Variants in DMXL1 observed in about 807,000 individuals in gnomAD.
The protein encoded by DMXL1 is dmX-like protein 1.
In DMXL1, 99 loss-of-function variants were observed where a neutral mutation model predicts 319.2. The ratio of observed to expected loss-of-function variants is 0.31; its 90% confidence interval spans 0.26 to 0.37. The LOEUF is 0.37. Ranked by LOEUF, DMXL1 falls within the 10% of genes least tolerant of loss-of-function variation. The pLI, the probability that DMXL1 is intolerant of heterozygous loss-of-function variation, is 1.00. For synonymous variants in DMXL1, 1,385 were observed against 1,235.2 expected (o/e 1.12, Z -2.54); for missense variants, 3,745 against 3,595.6 (o/e 1.04, Z -1.06).
chr5:119,153,896 T>C (rs541694493), intron 19 of DMXL1, among the ~76,000 whole-genome samples: 102 of 152,370 alleles, frequency 6.7e-4, no homozygotes, highest in African/African-American at 2.3e-3. Flanking sequence ...TCAGCACCGT[T>C]TTTCCAACAG....
intron 9 of DMXL1, among the ~76,000 whole-genome samples, chr5:119,123,933 T>C (rs1191561039): frequency 6.6e-6 from 1 of 150,412 alleles, no homozygotes; most frequent in Non-Finnish European, 1.5e-5. Flanking sequence ...AAATTTTTGC[T>C]TACTTCTACT....
chr5:119,149,279 C>A lies in DMXL1; in HGVS notation c.3452C>A (p.Ser1151Tyr), dbSNP rs767092467. 1 of 1,613,894 alleles carries A rather than the reference C, an allele frequency of 6.2e-7. No homozygotes were observed. The highest frequency in any genetic ancestry group is 1.3e-5 in the African/African-American group (1 of 75,010). Residue 1151 changes from serine to tyrosine, a missense_variant, in exon 18 of 44, where the codon TCT (serine) becomes TAT (tyrosine). Physicochemically the swap from Ser to Tyr is moderately radical, Grantham distance 144. Around this residue, in one of 4 missense-constraint regions of DMXL1, gnomAD observed 2,096 missense variants for 1,985.4 expected, o/e 1.06. Transcript: ENST00000539542. ...HLDWMSREDG[S>Y]HILTVGIGSK... Reference sequence around the variant, plus strand: ...GATTGGATGTCTAGAGAAGACGGTTCTCATATCCTGACTGTAGGAATTGGA... The same window carrying A: ...GATTGGATGTCTAGAGAAGACGGTTATCATATCCTGACTGTAGGAATTGGA...
chr5:119,139,421 A>T (rs890178167), intron 13 of DMXL1, among the ~76,000 whole-genome samples: 1 of 152,218 alleles, frequency 6.6e-6, no homozygotes, highest in African/African-American at 2.4e-5. Flanking sequence ...AAATAAAGGG[A>T]TGGAGAAAAA....
chr5:119,119,372 GA>G (rs1761527204), intron 8 of DMXL1, among the ~76,000 whole-genome samples: 2 of 152,102 alleles, frequency 1.3e-5, no homozygotes, highest in South Asian at 4.1e-4. Flanking sequence ...TTTATCTTTA[GA>G]AAACCCACCC....
At chr5:119,212,212 T>G (rs1490924781) in intron 34 of DMXL1, among the ~76,000 whole-genome samples, 1 of 152,134 alleles carries the variant, frequency 6.6e-6, no homozygotes, top group African/African-American at 2.4e-5. Context: ...CAGCTCCCCA[T>G]TCCTCTGGCG....
Position 119,147,319 on chromosome 5 carries a change from G to T in DMXL1, c.2760G>T (p.Glu920Asp). 6.2e-7 allele frequency: 1 copy of T among 1,613,598 alleles called. No homozygotes were observed. Reference sequence around the variant, plus strand: ...AAGAACATTATTCTTCTTCTCCAGAGAAGATCCTATCTCCTTTTTCACAAA... The same window carrying T: ...AAGAACATTATTCTTCTTCTCCAGATAAGATCCTATCTCCTTTTTCACAAA... ...QPEEHYSSSPEKILSPFSQKY... is the reference protein window; with the variant it reads ...QPEEHYSSSPDKILSPFSQKY... Residue 920 changes from glutamate to aspartate, a missense_variant, in exon 17 of 44, where the codon GAG becomes GAT. Glu to Asp is a conservative substitution (Grantham distance 45). Around this residue, in one of 4 missense-constraint regions of DMXL1, gnomAD observed 2,096 missense variants for 1,985.4 expected, o/e 1.06. Coordinates refer to ENST00000539542, the MANE Select transcript of DMXL1 (RefSeq NM_001290321.3).
chr5:119,244,319 A>T (rs1561956956), intron 42 of DMXL1, 40 bp from the exon 43 acceptor site: 2 of 1,500,278 alleles, frequency 1.3e-6, no homozygotes, highest in Non-Finnish European at 1.8e-6. Flanking sequence ...TATTTCTTTT[A>T]TTGTTAAGTG....
chr5:119,186,034 C>T (rs541706334), intron 28 of DMXL1, among the ~76,000 whole-genome samples: 2 of 152,310 alleles, frequency 1.3e-5, no homozygotes, highest in Admixed American at 1.3e-4. Context: ...AGACTGAGGA[C>T]TTAGACTGAA....
At chr5:119,085,110 C>G (rs1048152977) in intron 1 of DMXL1, among the ~76,000 whole-genome samples, 2 of 151,976 alleles carry the variant, frequency 1.3e-5, no homozygotes, top group African/African-American at 4.8e-5. Context: ...GGGCAGATCA[C>G]ATGAGGCCAA....
chr5:119,135,512 G>A (rs955370935), intron 13 of DMXL1, among the ~76,000 whole-genome samples: 5 of 152,174 alleles, frequency 3.3e-5, no homozygotes, highest in African/African-American at 9.7e-5. Context: ...CAAGGCCGGA[G>A]CATGTTTGGT....
chr5:119,203,902 G>A (rs1300246568), intron 33 of DMXL1, among the ~76,000 whole-genome samples: 1 of 151,982 alleles, frequency 6.6e-6, no homozygotes, highest in East Asian at 1.9e-4. Flanking sequence ...CTTACTGCAA[G>A]CTCCGCACCT....
intron 28 of DMXL1, among the ~76,000 whole-genome samples, chr5:119,181,835 G>A (rs186103503): frequency 1.3e-5 from 2 of 151,596 alleles, no homozygotes. Flanking sequence ...AAAGGAGCAG[G>A]CAGAAAGAGG....
intron 13 of DMXL1, among the ~76,000 whole-genome samples, chr5:119,142,719 G>A (rs1189828621): frequency 1.3e-5 from 2 of 151,892 alleles, no homozygotes; most frequent in Non-Finnish European, 2.9e-5. Context: ...TCATTCTGTG[G>A]TAAGGGCACA....
At chr5:119,202,844 C>G (rs1780957189) in intron 32 of DMXL1, among the ~76,000 whole-genome samples, 1 of 134,714 alleles carries the variant, frequency 7.4e-6, no homozygotes, top group Admixed American at 7.7e-5. Flanking sequence ...GATTGAGATT[C>G]CATCTCAAAA....
intron 33 of DMXL1, 80 bp from the exon 34 acceptor site, chr5:119,206,754 G>A: frequency 2.4e-6 from 2 of 820,180 alleles, no homozygotes; most frequent in Non-Finnish European, 3.7e-6. Flanking sequence ...TTAAAATATA[G>A]CATTGAAACA....
intron 2 of DMXL1, among the ~76,000 whole-genome samples, chr5:119,101,320 C>A (rs1757229994): frequency 1.3e-5 from 2 of 151,606 alleles, no homozygotes; most frequent in African/African-American, 2.4e-5. Context: ...TTTTTCTATC[C>A]CTGATTCATT....
At chr5:119,155,119 C>T (rs1451854681) in intron 19 of DMXL1, among the ~76,000 whole-genome samples, 3 of 152,220 alleles carry the variant, frequency 2.0e-5, no homozygotes, top group Non-Finnish European at 4.4e-5. Flanking sequence ...CGCAAGAGCT[C>T]TGATGCAGGT....
intron 1 of DMXL1, among the ~76,000 whole-genome samples, chr5:119,089,578 G>T (rs575548783): frequency 3.1e-4 from 47 of 150,282 alleles, no homozygotes; most frequent in South Asian, 1.7e-3. Flanking sequence ...AAAGTGCTGG[G>T]ATTACAAGCA....
chr5:119,136,080 G>T (rs1411750594), intron 13 of DMXL1, among the ~76,000 whole-genome samples: 3 of 152,234 alleles, frequency 2.0e-5, no homozygotes, highest in African/African-American at 4.8e-5. Flanking sequence ...GGACAATGAA[G>T]TCCCGGCTGA....
Sources: gnomAD v4.1 joint callset for allele counts (sites outside exome capture counted in the v4.1 genomes callset) on GRCh38, gnomAD v4.1.1 for gene constraint, gnomAD v4.1.1 regional missense constraint, MANE v1.5 for transcripts, NCBI Gene and HGNC (gene_info 2026-07-23, HGNC 2026-07-21) for gene names.